Variants in MSI2 observed in about 807,000 individuals in gnomAD.
The protein encoded by MSI2 is musashi RNA binding protein 2.
In MSI2, 17 loss-of-function variants were observed where a neutral mutation model predicts 45.6. The observed-to-expected ratio is 0.37, with a 90% CI of 0.26 to 0.56. The LOEUF is 0.56. Ranked by LOEUF, MSI2 falls within the 20% of genes least tolerant of loss-of-function variation. The pLI, the probability that MSI2 is intolerant of heterozygous loss-of-function variation, is 0.77. For synonymous variants in MSI2, 156 were observed against 158.2 expected (o/e 0.99, Z 0.11); for missense variants, 293 against 444.2 (o/e 0.66, Z 3.06).
intron 6 of MSI2, among the ~76,000 whole-genome samples, chr17:57,509,635 G>A (rs1297075080): frequency 6.6e-6 from 1 of 152,062 alleles, no homozygotes; most frequent in Non-Finnish European, 1.5e-5. Context: ...TGGCCAGGCT[G>A]GTCTCGAACA....
intron 9 of MSI2, among the ~76,000 whole-genome samples, chr17:57,617,604 A>G (rs1452187925): frequency 6.6e-6 from 1 of 150,950 alleles, no homozygotes; most frequent in Non-Finnish European, 1.5e-5. Context: ...TTATATCAAA[A>G]GAAACTCTAA....
intron 8 of MSI2, among the ~76,000 whole-genome samples, chr17:57,605,787 A>G (rs1231499122): frequency 6.6e-6 from 1 of 152,228 alleles, no homozygotes. Flanking sequence ...CTGCCTAGAA[A>G]AGAAGGCTCA....
intron 8 of MSI2, among the ~76,000 whole-genome samples, chr17:57,606,732 A>C (rs1906622450): frequency 6.6e-6 from 1 of 152,164 alleles, no homozygotes; most frequent in South Asian, 2.1e-4. Flanking sequence ...CACTGATTGT[A>C]ATAAAACACT....
chr17:57,499,650 G>T (rs976884097), intron 6 of MSI2, among the ~76,000 whole-genome samples: 3 of 152,164 alleles, frequency 2.0e-5, no homozygotes, highest in Admixed American at 6.5e-5. Flanking sequence ...ATTATTTCTC[G>T]TGGTTTCTGT....
chr17:57,435,090 C>CT (rs1310303826), intron 6 of MSI2, among the ~76,000 whole-genome samples: 3 of 152,082 alleles, frequency 2.0e-5, no homozygotes, highest in Non-Finnish European at 4.4e-5. Context: ...GGGCTACTTT[C>CT]TTTTTTATTA....
chr17:57,282,432 A>G (rs1356556426), intron 5 of MSI2, among the ~76,000 whole-genome samples: 3 of 152,172 alleles, frequency 2.0e-5, no homozygotes, highest in Non-Finnish European at 2.9e-5. Context: ...AATAAATCTG[A>G]TACTAAAATT....
intron 6 of MSI2, among the ~76,000 whole-genome samples, chr17:57,439,379 G>A (rs1301292587): frequency 6.6e-6 from 1 of 152,164 alleles, no homozygotes; most frequent in Non-Finnish European, 1.5e-5. Flanking sequence ...GGACGAGGAG[G>A]ACTCTGCAGA....
rs182960237 is a variant in MSI2 at position 57,437,357 on chromosome 17, T to C, written c.405+35886T>C. ...CCAGATCATCAGAAAGATGACTCAA[T>C]GAGCCAGAGCTCTTTGATGCCAATA... On this transcript the variant is annotated intron_variant, in intron 6 of 13. Transcript: ENST00000284073. 2.6e-5 allele frequency among the ~76,000 whole-genome samples: 4 copies of C among 152,344 alleles called. No homozygotes were observed. The East Asian group carries it at 7.7e-4, about 29-fold the overall frequency.
At chr17:57,377,861 G>A (rs1415137834) in intron 5 of MSI2, among the ~76,000 whole-genome samples, 2 of 152,238 alleles carry the variant, frequency 1.3e-5, no homozygotes, top group South Asian at 2.1e-4. Context: ...GGATCACGAG[G>A]TCAGGAGATC....
intron 7 of MSI2, among the ~76,000 whole-genome samples, chr17:57,566,516 C>T (rs930891905): frequency 3.3e-5 from 5 of 152,100 alleles, no homozygotes; most frequent in East Asian, 3.9e-4. Flanking sequence ...CATTGGGGCC[C>T]GGTATTTCCT....
chr17:57,615,880 A>G, intron 8 of MSI2, 90 bp from the exon 9 acceptor site: 1 of 1,012,242 alleles, frequency 9.9e-7, no homozygotes, highest in Non-Finnish European at 1.5e-6. Context: ...CAAGGCTAAA[A>G]ATAACTTAGC....
intron 5 of MSI2, among the ~76,000 whole-genome samples, chr17:57,394,370 C>T (rs1303421123): frequency 2.0e-5 from 3 of 152,108 alleles, no homozygotes; most frequent in South Asian, 2.1e-4. Context: ...GTGGCTGGGA[C>T]CTGCCATAAG....
intron 5 of MSI2, among the ~76,000 whole-genome samples, chr17:57,275,785 T>C (rs951471883): frequency 1.3e-5 from 2 of 152,138 alleles, no homozygotes; most frequent in Non-Finnish European, 2.9e-5. Flanking sequence ...TAGCAGTAGA[T>C]TACATTGACT....
At chr17:57,545,758 T>G (rs561596326) in intron 7 of MSI2, among the ~76,000 whole-genome samples, 1 of 152,358 alleles carries the variant, frequency 6.6e-6, no homozygotes, top group East Asian at 1.9e-4. Context: ...ATTATTATTA[T>G]GACGACTGGA....
At chr17:57,524,931 G>A (rs1018130746) in intron 6 of MSI2, among the ~76,000 whole-genome samples, 17 of 152,210 alleles carry the variant, frequency 1.1e-4, no homozygotes, top group African/African-American at 4.1e-4. Context: ...CTCTGGGCCA[G>A]CAGCTGCATC....
At chr17:57,544,265 C>T (rs1002856232) in intron 7 of MSI2, among the ~76,000 whole-genome samples, 1 of 152,176 alleles carries the variant, frequency 6.6e-6, no homozygotes, top group African/African-American at 2.4e-5. Flanking sequence ...TTTTATTTTG[C>T]TTTATTTTAG....
chr17:57,644,746 G>A (rs915208186), intron 10 of MSI2, among the ~76,000 whole-genome samples: 1 of 152,086 alleles, frequency 6.6e-6, no homozygotes, highest in African/African-American at 2.4e-5. Context: ...CACAACATAG[G>A]AAAAATTGTT....
intron 6 of MSI2, among the ~76,000 whole-genome samples, chr17:57,486,872 G>A (rs2085764322): frequency 6.6e-6 from 1 of 152,174 alleles, no homozygotes; most frequent in Non-Finnish European, 1.5e-5. Context: ...GATAAACCAA[G>A]CTGTCCATGT....
chr17:57,561,981 T>C (rs1252579369), intron 7 of MSI2, among the ~76,000 whole-genome samples: 2 of 152,190 alleles, frequency 1.3e-5, no homozygotes, highest in African/African-American at 4.8e-5. Flanking sequence ...ATAAGCTACT[T>C]AACCTCTCTG....
Sources: allele counts gnomAD v4.1 joint callset (sites outside exome capture counted in the v4.1 genomes callset), GRCh38; gene constraint gnomAD v4.1.1; transcripts MANE v1.5; gene names NCBI Gene and HGNC (gene_info 2026-07-23, HGNC 2026-07-21).